Variants in HMGB1 observed in about 807,000 individuals in gnomAD.
The protein encoded by HMGB1 is high mobility group protein B1.
For missense variants in HMGB1, 79 were observed against 253.5 expected, an observed-to-expected ratio of 0.31 and a Z score of 4.67; for synonymous variants, 81 against 84.0, an observed-to-expected ratio of 0.96 and a Z score of 0.19.
At chr13:30,464,840 G>GGGTGCGAGCCGCGCTCTGGCGC (rs1886644954) in intron 1 of HMGB1, 1 of 155,546 alleles carries the variant, frequency 6.4e-6, no homozygotes. Context: ...GCGGCGGGCG[G>GGGTGCGAGCCGCGCTCTGGCGC]GGTGCGAGCC....
chr13:30,463,839 G>A (rs1021438087), intron 1 of HMGB1, 145 bp from the exon 2 acceptor site: 1 of 594,428 alleles, frequency 1.7e-6, no homozygotes, highest in Non-Finnish European at 2.8e-6. Context: ...ACAAGAATAT[G>A]GCCGAGAGAT....
chr13:30,463,464 T>G, intron 2 of HMGB1, 67 bp downstream of exon 2: 1 of 1,558,336 alleles, frequency 6.4e-7, no homozygotes, highest in East Asian at 2.2e-5. Flanking sequence ...CAACTAGGCT[T>G]TTTTTTGCAT....
At chr13:30,504,906 G>A (rs1396605065) in intron 1 of HMGB1, among the ~76,000 whole-genome samples, 2 of 152,006 alleles carry the variant, frequency 1.3e-5, no homozygotes, top group African/African-American at 4.8e-5. Context: ...TTTATCACAT[G>A]ACTGGCAAAA....
intron 1 of HMGB1, among the ~76,000 whole-genome samples, chr13:30,604,909 C>T (rs770550663): frequency 7.2e-5 from 11 of 152,154 alleles, no homozygotes; most frequent in Non-Finnish European, 1.3e-4. Flanking sequence ...CCACCCACCT[C>T]GGCCTCCCAA....
intron 1 of HMGB1, among the ~76,000 whole-genome samples, chr13:30,564,734 C>A (rs767996090): frequency 6.6e-6 from 1 of 152,124 alleles, no homozygotes; most frequent in Non-Finnish European, 1.5e-5. Context: ...TTCATGATTG[C>A]AATTTTTCAA....
upstream of HMGB1, among the ~76,000 whole-genome samples, chr13:30,469,086 T>C (rs1290120351): frequency 1.3e-5 from 2 of 152,070 alleles, no homozygotes; most frequent in African/African-American, 4.8e-5. Context: ...AGAGACGGTT[T>C]CACCATGTTG....
At chr13:30,500,985 AT>A (rs34239535) in intron 1 of HMGB1, among the ~76,000 whole-genome samples, 125,328 of 151,638 alleles carry the variant, frequency 0.83, 56,695 homozygotes, top group East Asian at 1. Flanking sequence ...CACCTGGCTA[AT>A]TTTTTAAAAA....
At chr13:30,593,093 T>C (rs1023834409) in intron 1 of HMGB1, among the ~76,000 whole-genome samples, 1 of 152,128 alleles carries the variant, frequency 6.6e-6, no homozygotes, top group African/African-American at 2.4e-5. Context: ...TGCAAGAGAA[T>C]AGGTAAAAAT....
chr13:30,578,365 G>GT (rs1475312645), intron 1 of HMGB1, among the ~76,000 whole-genome samples: 53 of 67,046 alleles, frequency 7.9e-4, no homozygotes, highest in Non-Finnish European at 1.3e-3. Context: ...ACCAGTTCTT[G>GT]TTCTTTTTTT....
chr13:30,464,830 G>A (rs1851550033), intron 1 of HMGB1: 1 of 160,978 alleles, frequency 6.2e-6, no homozygotes, highest in Admixed American at 6.8e-5. Context: ...CGCGGCGGCG[G>A]CGGCGGGCGG....
chr13:30,583,296 A>G (rs781641309), intron 1 of HMGB1, among the ~76,000 whole-genome samples: 3 of 152,018 alleles, frequency 2.0e-5, no homozygotes, highest in African/African-American at 7.2e-5. Context: ...ACTTTGGGAG[A>G]CCAAGATGGG....
rs944386885 is a variant in HMGB1 at position 30,544,897 on chromosome 13, G to A, written c.-15+71774C>T. The stretch of plus-strand genomic sequence containing the variant: ...AATCCAGGACAGGCAGAGAACTGGC[G>A]CTTACTGTGCTCTGTTGGAATTCAG... On this transcript the variant is annotated intron_variant, in intron 1 of 4. Coordinates refer to the HMGB1 transcript ENST00000405805. Among the ~76,000 whole-genome samples the A allele has an allele frequency of 3.9e-5, 6 of 152,148 alleles. No individual in the cohort carries two copies. The South Asian group carries it at 1.2e-3, about 31-fold the overall frequency.
At chr13:30,501,975 T>C (rs1293535856) in intron 1 of HMGB1, among the ~76,000 whole-genome samples, 1 of 152,188 alleles carries the variant, frequency 6.6e-6, no homozygotes, top group Non-Finnish European at 1.5e-5. Context: ...TTAAAAGATA[T>C]ACTGGGGAAA....
At chr13:30,524,266 A>T (rs1888309611) in intron 1 of HMGB1, among the ~76,000 whole-genome samples, 1 of 151,320 alleles carries the variant, frequency 6.6e-6, no homozygotes, top group African/African-American at 2.4e-5. Context: ...GCAGCAAACC[A>T]CCATAGCACA....
intron 1 of HMGB1, among the ~76,000 whole-genome samples, chr13:30,511,756 C>T (rs943443002): frequency 1.3e-5 from 2 of 152,136 alleles, no homozygotes; most frequent in Non-Finnish European, 2.9e-5. Context: ...TTTGGTTTCT[C>T]CTTACTCTAG....
chr13:30,509,058 T>C lies in HMGB1; in HGVS notation c.-14-45364A>G, dbSNP rs544259464. 1.9e-3 allele frequency among the ~76,000 whole-genome samples: 285 copies of C among 151,990 alleles called. 1 individual carries two copies. Among genetic ancestry groups the C allele is most frequent in the Admixed American group, 3.7e-3 (56 of 15,250 alleles). On this transcript the variant is annotated intron_variant, in intron 1 of 4. Transcript: ENST00000405805. ...CAAGCCATCCTTCTGCCTCAGCTGC[T>C]GGAGCAGCTGGAACCACAGGTGCGC...
intron 1 of HMGB1, among the ~76,000 whole-genome samples, chr13:30,586,488 T>TTTTTTG (rs1566032914): frequency 7.2e-4 from 99 of 137,888 alleles, no homozygotes; most frequent in African/African-American, 2.6e-3. Flanking sequence ...TGTTTTTTTT[T>TTTTTTG]TTTTTTTTTT....
At chr13:30,483,327 C>G (rs1428215220) in intron 1 of HMGB1, among the ~76,000 whole-genome samples, 1 of 150,644 alleles carries the variant, frequency 6.6e-6, no homozygotes, top group African/African-American at 2.4e-5. Flanking sequence ...GTTGCCCGGC[C>G]CAGAAACCTG....
chr13:30,460,413 T>C lies in HMGB1; in HGVS notation c.*944A>G, dbSNP rs1037425789. 2 of 151,646 alleles carry C rather than the reference T, an allele frequency of 1.3e-5. No homozygotes were observed. Among genetic ancestry groups the C allele is most frequent in the African/African-American group, 4.9e-5 (2 of 41,120 alleles). The allele number at this position is 151,646 out of a possible 1,614,324, so 9.4% of individuals were successfully genotyped here. On this transcript the variant is annotated 3_prime_UTR_variant, in exon 5 of 5. Coordinates refer to ENST00000341423, the MANE Select transcript of HMGB1 (RefSeq NM_002128.7). Reference sequence around the variant, plus strand: ...AGACTAATGTCAACAAAAAATTTAATATGGCAGTCTTGTATTTTAAGCTCA... The same window carrying C: ...AGACTAATGTCAACAAAAAATTTAACATGGCAGTCTTGTATTTTAAGCTCA...
Sources: gnomAD v4.1 joint callset for allele counts (sites outside exome capture counted in the v4.1 genomes callset) on GRCh38, gnomAD v4.1.1 for gene constraint, MANE v1.5 for transcripts, NCBI Gene and HGNC (gene_info 2026-07-23, HGNC 2026-07-21) for gene names.